Variants in ANKRD28 observed in about 807,000 individuals in gnomAD.
ANKRD28 encodes ankyrin repeat domain 28.
In ANKRD28, 44 loss-of-function variants were observed where a neutral mutation model predicts 126.5. The ratio of observed to expected loss-of-function variants is 0.35; its 90% CI spans 0.27 to 0.45. The LOEUF (loss-of-function observed/expected upper bound fraction) is 0.45, where lower values mean the gene tolerates loss of function less well. Among genes scored for constraint, ANKRD28 ranks in the 20% least tolerant of loss-of-function variants. The pLI is 1.00. For missense variants in ANKRD28, 1,110 were observed against 1,316.6 expected, an observed-to-expected ratio of 0.84 and a Z score of 2.43; for synonymous variants, 442 against 468.5, an observed-to-expected ratio of 0.94 and a Z score of 0.73.
intron 4 of ANKRD28, among the ~76,000 whole-genome samples, chr3:15,747,507 G>A (rs577950006): frequency 1.3e-5 from 2 of 152,154 alleles, no homozygotes; most frequent in African/African-American, 4.8e-5. Context: ...TGGTTTTGTG[G>A]CTTCCTTTTG....
intron 2 of ANKRD28, among the ~76,000 whole-genome samples, chr3:15,787,636 C>T (rs778664153): frequency 2.0e-5 from 3 of 152,138 alleles, no homozygotes; most frequent in Non-Finnish European, 4.4e-5. Context: ...GGTTTTAGGA[C>T]AGAGAGTGCA....
upstream of ANKRD28, among the ~76,000 whole-genome samples, chr3:15,801,609 T>C (rs2060467656): frequency 6.6e-6 from 1 of 152,200 alleles, no homozygotes; most frequent in Non-Finnish European, 1.5e-5. The surrounding 1 kb of genome is among the most constrained non-coding windows in gnomAD (Gnocchi z 4.9). Context: ...TCTATCCATA[T>C]ACTTTAGGAA....
chr3:15,713,711 T>C, intron 9 of ANKRD28, 70 bp from the exon 10 acceptor site: 5 of 971,662 alleles, frequency 5.1e-6, no homozygotes, highest in Non-Finnish European at 7.5e-6. Context: ...ACATGAAAAG[T>C]AATAAAAAAT....
At chr3:15,689,421 A>C (rs1174697747) in intron 18 of ANKRD28, among the ~76,000 whole-genome samples, 1 of 152,200 alleles carries the variant, frequency 6.6e-6, no homozygotes, top group Non-Finnish European at 1.5e-5. Flanking sequence ...AGATGAATCC[A>C]CTGCCACTGC....
intron 3 of ANKRD28, among the ~76,000 whole-genome samples, chr3:15,755,990 A>G (rs926939072): frequency 2.6e-5 from 4 of 152,230 alleles, no homozygotes; most frequent in African/African-American, 7.2e-5. Context: ...CTATAAACCA[A>G]TATTTACAGA....
intron 12 of ANKRD28, 114 bp downstream of exon 12, chr3:15,711,097 G>A: frequency 1.1e-6 from 1 of 907,446 alleles, no homozygotes. Flanking sequence ...AACAACTCCT[G>A]TTTTGTTTTC....
intron 10 of ANKRD28, among the ~76,000 whole-genome samples, chr3:15,713,201 C>G (rs1337389515): frequency 6.6e-6 from 1 of 152,070 alleles, no homozygotes; most frequent in African/African-American, 2.4e-5. Flanking sequence ...AAAAAAGCAT[C>G]TGGCACATAC....
At position 15,675,994 on chromosome 3, in the gene ANKRD28, G is replaced by T; in HGVS notation, c.2874-5C>A. ...CGGGCAGCAACATGCAGAGGTCTAGGGGAAAAAACATGATACATGTACACA... is the reference window on the plus strand; with the variant it reads ...CGGGCAGCAACATGCAGAGGTCTAGTGGAAAAAACATGATACATGTACACA... On this transcript the variant is annotated splice_polypyrimidine_tract_variant and splice_region_variant and intron_variant, in intron 26 of 27. Transcript: ENST00000683139. 5 of 1,609,556 alleles carry T rather than the reference G, an allele frequency of 3.1e-6. No homozygotes were observed. Among genetic ancestry groups the T allele is most frequent in the Non-Finnish European group, 4.2e-6 (5 of 1,177,378 alleles).
Position 15,717,060 on chromosome 3 carries a change from T to C in ANKRD28, c.997-2404A>G, listed in dbSNP as rs117546044. 2.0e-5 allele frequency among the ~76,000 whole-genome samples: 3 copies of C among 152,370 alleles called. No homozygotes were observed. The East Asian group carries it at 5.8e-4, about 29-fold the overall frequency. ...CAGATTGATACCATTAATCTTGTTT[T>C]ATAGATGAGGAAATGTAGGCCCCAG... On this transcript the variant is annotated intron_variant, in intron 8 of 27. Coordinates refer to ENST00000683139, the MANE Select transcript of ANKRD28 (RefSeq NM_001349278.2).
intron 1 of ANKRD28, among the ~76,000 whole-genome samples, chr3:15,851,970 A>T (rs2061661139): frequency 6.6e-6 from 1 of 152,228 alleles, no homozygotes; most frequent in African/African-American, 2.4e-5. Context: ...TACTTGCTAC[A>T]AAGTGGATGA....
At chr3:15,765,303 GA>G (rs2058686906) in intron 3 of ANKRD28, among the ~76,000 whole-genome samples, 2 of 151,992 alleles carry the variant, frequency 1.3e-5, no homozygotes, top group African/African-American at 4.8e-5. Flanking sequence ...AAATAGTTTA[GA>G]AAAAATAATA....
intron 1 of ANKRD28, among the ~76,000 whole-genome samples, chr3:15,831,004 C>CT (rs2061176326): frequency 6.6e-6 from 1 of 152,192 alleles, no homozygotes; most frequent in African/African-American, 2.4e-5. Flanking sequence ...AAAGTAAGCA[C>CT]TGTCTGCACA....
At chr3:15,792,814 G>A (rs2060094026) in intron 2 of ANKRD28, among the ~76,000 whole-genome samples, 1 of 152,020 alleles carries the variant, frequency 6.6e-6, no homozygotes, top group Non-Finnish European at 1.5e-5. Context: ...AACATCCCAT[G>A]TACCCCATAA....
At chr3:15,859,253 C>CAG (rs1219610857) in intron 1 of ANKRD28, 15 of 1,388,484 alleles carry the variant, frequency 1.1e-5, no homozygotes, top group Non-Finnish European at 1.4e-5. Context: ...GTCCCCGGGG[C>CAG]AGGACCCCCG....
chr3:15,765,440 G>A (rs992950321), intron 3 of ANKRD28, among the ~76,000 whole-genome samples: 1 of 151,948 alleles, frequency 6.6e-6, no homozygotes, highest in Non-Finnish European at 1.5e-5. Context: ...ATTTCTTACT[G>A]TCTCCACTGT....
intron 4 of ANKRD28, among the ~76,000 whole-genome samples, chr3:15,745,956 G>A (rs1316092594): frequency 6.6e-6 from 1 of 151,922 alleles, no homozygotes; most frequent in African/African-American, 2.4e-5. Context: ...CTATTTTACT[G>A]TTTTTCTGCA....
chr3:15,842,385 G>A (rs1020044473), intron 1 of ANKRD28, among the ~76,000 whole-genome samples: 2 of 151,972 alleles, frequency 1.3e-5, no homozygotes, highest in Non-Finnish European at 2.9e-5. Flanking sequence ...GACAGTAGAA[G>A]GATGGTTGGG....
At chr3:15,707,838 A>C in intron 14 of ANKRD28, 86 bp downstream of exon 14, 1 of 1,481,744 alleles carries the variant, frequency 6.7e-7, no homozygotes. Flanking sequence ...CAAAGAGGAA[A>C]CACAAATTTG....
chr3:15,683,304 T>C (rs76590627), intron 21 of ANKRD28, among the ~76,000 whole-genome samples: 1,916 of 152,298 alleles, frequency 0.013, 44 homozygotes, highest in African/African-American at 0.043. Context: ...ATATTAGATA[T>C]TTTGGGTTTT....
Sources: allele counts gnomAD v4.1 joint callset (sites outside exome capture counted in the v4.1 genomes callset), GRCh38; gene constraint gnomAD v4.1.1; non-coding constraint Gnocchi (gnomAD v3.1); transcripts MANE v1.5; gene names NCBI Gene and HGNC (gene_info 2026-07-23, HGNC 2026-07-21).